The following PBX3 variants were observed in gnomAD, a reference collection of about 807,000 sequenced individuals.
The protein encoded by PBX3 is pre-B-cell leukemia transcription factor 3.
In PBX3, 14 loss-of-function variants were observed where a neutral mutation model predicts 48.5. The observed-to-expected ratio is 0.29, with a 90% CI of 0.19 to 0.45. The LOEUF is 0.45. PBX3 is among the 20% of genes least tolerant of loss of function. The pLI, the probability that PBX3 is intolerant of heterozygous loss-of-function variation, is 1.00. For synonymous variants in PBX3, 210 were observed against 200.3 expected (o/e 1.05, Z -0.41); for missense variants, 386 against 546.7 (o/e 0.71, Z 2.93).
intron 2 of PBX3, among the ~76,000 whole-genome samples, chr9:125,857,154 T>C (rs1839745206): frequency 6.6e-6 from 1 of 152,188 alleles, no homozygotes; most frequent in Non-Finnish European, 1.5e-5. Context: ...GAAGGAAATA[T>C]ATCGTTGGCA....
intron 2 of PBX3, among the ~76,000 whole-genome samples, chr9:125,768,783 A>T (rs1288822126): frequency 6.6e-6 from 1 of 152,210 alleles, no homozygotes; most frequent in Non-Finnish European, 1.5e-5. Flanking sequence ...CAGTTTTTTT[A>T]AGTGCTGGGA....
intron 2 of PBX3, among the ~76,000 whole-genome samples, chr9:125,888,558 C>CTT (rs35303591): frequency 6.9e-6 from 1 of 145,198 alleles, no homozygotes; most frequent in South Asian, 2.2e-4. Flanking sequence ...TTTGATATTT[C>CTT]TTTTTTTTTT....
intron 2 of PBX3, among the ~76,000 whole-genome samples, chr9:125,860,911 T>C (rs1158183515): frequency 7.0e-6 from 1 of 143,770 alleles, no homozygotes; most frequent in Non-Finnish European, 1.5e-5. Context: ...AAAAAGATAT[T>C]CAACATTATT....
intron 5 of PBX3, among the ~76,000 whole-genome samples, chr9:125,952,728 A>C (rs190906952): frequency 6.6e-6 from 1 of 152,222 alleles, no homozygotes; most frequent in Non-Finnish European, 1.5e-5. Context: ...ACTTAAACTC[A>C]TAAAGATTGT....
chr9:125,804,607 T>C lies in PBX3; in HGVS notation c.274+55984T>C, dbSNP rs1204395256. ...TATTCAACAAATATTTGATACAAAT[T>C]ATGTGCCAGGCACTGTGCTAGACTT... On this transcript the variant is annotated intron_variant, in intron 2 of 8. Transcript: ENST00000373489. Among the ~76,000 whole-genome samples, 3 of 152,136 alleles carry C rather than the reference T, an allele frequency of 2.0e-5. No individual in the cohort carries two copies. In the East Asian group the frequency reaches 5.8e-4, roughly 29 times the overall value.
chr9:125,859,379 G>A (rs1280051171), intron 2 of PBX3, among the ~76,000 whole-genome samples: 1 of 152,162 alleles, frequency 6.6e-6, no homozygotes, highest in Non-Finnish European at 1.5e-5. Context: ...CAGAGGGAAG[G>A]CAATGAAGAA....
intron 2 of PBX3, among the ~76,000 whole-genome samples, chr9:125,799,594 A>G (rs1330398300): frequency 6.6e-6 from 1 of 152,206 alleles, no homozygotes; most frequent in East Asian, 1.9e-4. Context: ...AAAATATTGC[A>G]TTATAGTACA....
intron 5 of PBX3, among the ~76,000 whole-genome samples, chr9:125,959,882 G>C (rs748726720): frequency 5.9e-5 from 9 of 152,112 alleles, no homozygotes; most frequent in Non-Finnish European, 1.3e-4. Context: ...AATTACAGGT[G>C]CCTGAATACA....
chr9:125,774,163 C>T (rs1470831279), intron 2 of PBX3, among the ~76,000 whole-genome samples: 1 of 152,156 alleles, frequency 6.6e-6, no homozygotes, highest in Non-Finnish European at 1.5e-5. Context: ...GCGTGTCTTA[C>T]GTGGCCGGAG....
Position 125,835,033 on chromosome 9 carries a change from A to C in PBX3, c.275-80653A>C, listed in dbSNP as rs1313354313. Among the ~76,000 whole-genome samples, 13 of 145,350 alleles carry C rather than the reference A, an allele frequency of 8.9e-5. No individual in the cohort carries two copies. The East Asian group carries it at 1.2e-3, about 13-fold the overall frequency. Reference sequence around the variant, plus strand: ...TCTGTCTCAAAAAAAAAAAAAAAAAAAAAAAAAAAAAAAAAAAAGGGCAAA... The same window carrying C: ...TCTGTCTCAAAAAAAAAAAAAAAAACAAAAAAAAAAAAAAAAAAGGGCAAA... On this transcript the variant is annotated intron_variant, in intron 2 of 8. Transcript: ENST00000373489.
At chr9:125,927,720 G>C (rs1841609775) in intron 3 of PBX3, among the ~76,000 whole-genome samples, 1 of 152,288 alleles carries the variant, frequency 6.6e-6, no homozygotes, top group East Asian at 1.9e-4. Context: ...TGTAGGCCCA[G>C]TTATACAGAT....
At chr9:125,751,221 T>G (rs1836366953) in intron 2 of PBX3, among the ~76,000 whole-genome samples, 1 of 152,254 alleles carries the variant, frequency 6.6e-6, no homozygotes, top group Non-Finnish European at 1.5e-5. Context: ...GATGACTCTA[T>G]TCTGCTTAAT....
chr9:125,824,075 C>CAA (rs57963250), intron 2 of PBX3, among the ~76,000 whole-genome samples: 1,302 of 107,734 alleles, frequency 0.012, 12 homozygotes, highest in African/African-American at 0.034. Context: ...GACTTTGTCT[C>CAA]AAAAAAAAAA....
intron 2 of PBX3, among the ~76,000 whole-genome samples, chr9:125,785,591 A>C (rs1047107929): frequency 3.9e-5 from 6 of 152,206 alleles, no homozygotes; most frequent in African/African-American, 9.6e-5. Context: ...GGACTAAGCC[A>C]CTACTGGCTT....
Position 125,807,365 on chromosome 9 carries a change from G to A in PBX3, c.274+58742G>A, listed in dbSNP as rs77781517. Among the ~76,000 whole-genome samples, 215 of 152,138 alleles carry A rather than the reference G, an allele frequency of 1.4e-3. 2 individuals carry two copies. The highest frequency in any genetic ancestry group is 4.7e-3 in the African/African-American group (194 of 41,510). ...AAAAAAAAAGAAAATATTAACAGAA[G>A]GAGTGGTACAACGTAGAATAGGCGG... On this transcript the variant is annotated intron_variant, in intron 2 of 8. Transcript: ENST00000373489.
At chr9:125,869,503 A>G (rs2132314983) in intron 2 of PBX3, among the ~76,000 whole-genome samples, 1 of 152,334 alleles carries the variant, frequency 6.6e-6, no homozygotes, top group Non-Finnish European at 1.5e-5. Context: ...AAGATTAAAG[A>G]AAAAACATTC....
In PBX3 at chr9:125,943,392, A is replaced by G. The variant is rs968767406; in HGVS notation, c.843+7785A>G. ...AAAAAAAAAAAAAAAAAAAAAAAAA[A>G]AAAAAAAGAAAGGAGAGAGAATTTG... On this transcript the variant is annotated intron_variant, in intron 5 of 8. Transcript: ENST00000373489. Among the ~76,000 whole-genome samples, 124 of 118,112 alleles carry G rather than the reference A, an allele frequency of 1.0e-3. 1 individual carries two copies. Among genetic ancestry groups the G allele is most frequent in the Non-Finnish European group, 1.8e-3 (102 of 58,114 alleles). 77.5% of individuals were successfully genotyped at this position (118,112 alleles called of 152,430 possible).
intron 5 of PBX3, among the ~76,000 whole-genome samples, chr9:125,948,968 C>T (rs561653448): frequency 7.2e-5 from 11 of 152,218 alleles, no homozygotes; most frequent in African/African-American, 2.6e-4. Flanking sequence ...GGTTTCACCA[C>T]ATTGCCCTGG....
At chr9:125,911,993 C>T (rs796672918) in intron 2 of PBX3, among the ~76,000 whole-genome samples, 15 of 152,270 alleles carry the variant, frequency 9.9e-5, no homozygotes, top group African/African-American at 2.6e-4. Context: ...AAGCCATACT[C>T]TTCAGTGCTG....
Sources: allele counts gnomAD v4.1 joint callset (sites outside exome capture counted in the v4.1 genomes callset), GRCh38; gene constraint gnomAD v4.1.1; transcripts MANE v1.5; gene names NCBI Gene and HGNC (gene_info 2026-07-23, HGNC 2026-07-21).